Variants in PLEKHH2 observed in about 807,000 individuals in gnomAD.
The protein encoded by PLEKHH2 is pleckstrin homology, MyTH4 and FERM domain containing H2.
Under a neutral mutation model 187.9 loss-of-function variants are expected in PLEKHH2, and 129 were observed. The observed-to-expected ratio is 0.69, with a 90% confidence interval of 0.59 to 0.79. The LOEUF (loss-of-function observed/expected upper bound fraction) is 0.79. Among genes scored for constraint, PLEKHH2 ranks in the 30% least tolerant of loss-of-function variants. The probability of loss-of-function intolerance (pLI) is 0.00; values close to 1 mark genes in which losing one functional copy is unlikely to be tolerated. For synonymous variants in PLEKHH2, 686 were observed against 605.6 expected (o/e 1.13, Z -1.95); for missense variants, 2,076 against 1,751.2 (o/e 1.19, Z -3.31).
At chr2:43,641,843 A>G (rs1413080182) in intron 1 of PLEKHH2, among the ~76,000 whole-genome samples, 2 of 152,230 alleles carry the variant, frequency 1.3e-5, no homozygotes, top group Non-Finnish European at 2.9e-5. Flanking sequence ...TTATCTATAT[A>G]TCTATCTTTA....
rs578006979 is a variant in PLEKHH2, at chr2:43,674,210, A to G, written c.124-4653A>G. ...CATTTGAGGAGAAATCAGACAAGAT[A>G]TTTGCATAGTTCTCTTAAGAGAACT... On this transcript the variant is annotated intron_variant, in intron 2 of 29. Transcript: ENST00000282406. 5.1e-4 allele frequency among the ~76,000 whole-genome samples: 78 copies of G among 152,278 alleles called. 2 individuals are homozygous for G. In the South Asian group the frequency reaches 0.016, roughly 31 times the overall value.
chr2:43,679,203 T>C (rs1025357344), intron 3 of PLEKHH2, among the ~76,000 whole-genome samples: 21 of 152,216 alleles, frequency 1.4e-4, no homozygotes, highest in African/African-American at 4.8e-4. Flanking sequence ...ATTTAAGTTT[T>C]GTATATAAAT....
chr2:43,758,378 G>C (rs74738497), intron 26 of PLEKHH2, among the ~76,000 whole-genome samples: 48,088 of 151,846 alleles, frequency 0.32, 8,030 homozygotes, highest in South Asian at 0.43. Flanking sequence ...TCAGCCTCCC[G>C]AGTAGCTGGG....
chr2:43,720,566 G>C, intron 15 of PLEKHH2, 103 bp from the exon 16 acceptor site: 1 of 1,540,548 alleles, frequency 6.5e-7, no homozygotes, highest in South Asian at 1.2e-5. Context: ...CTTATATCTG[G>C]GCAAACTGGA....
rs373009001 is a variant in PLEKHH2, at chr2:43,675,580, A to T, written c.124-3283A>T. 1.7e-5 allele frequency: 28 copies of T among 1,613,706 alleles called. 1 individual carries two copies. In the African/African-American group the frequency reaches 3.3e-4, roughly 19 times the overall value. ...CAATGCCTCTTCAATAAGCTGTGCG[A>T]TTGGTTTTGTATTAAATACATCTCT... On this transcript the variant is annotated intron_variant, in intron 2 of 29. Coordinates refer to ENST00000282406, the MANE Select transcript of PLEKHH2 (RefSeq NM_172069.4).
chr2:43,705,205 T>C (rs1380028077), intron 9 of PLEKHH2, among the ~76,000 whole-genome samples: 2 of 151,920 alleles, frequency 1.3e-5, no homozygotes, highest in African/African-American at 4.8e-5. Context: ...TGATATTCAG[T>C]TCCTGTTCAG....
rs1331098622 is a variant in PLEKHH2, at chr2:43,707,562, G to T, written c.1966+17G>T. 6.2e-7 allele frequency: 1 copy of T among 1,613,256 alleles called. No individual in the cohort carries two copies. Among genetic ancestry groups the T allele is most frequent in the Non-Finnish European group, 8.5e-7 (1 of 1,179,480 alleles). On this transcript the variant is annotated intron_variant, in intron 11 of 29. Transcript: ENST00000282406. ...TGAAACGAGGTGAGGGAAAATCGCA[G>T]GCATATGAGGCAACTCCAGATCATT... is the stretch of plus-strand genomic sequence containing the variant.
intron 1 of PLEKHH2, among the ~76,000 whole-genome samples, chr2:43,642,611 C>G (rs935974938): frequency 6.6e-6 from 1 of 152,124 alleles, no homozygotes; most frequent in African/African-American, 2.4e-5. Flanking sequence ...TAAACGTCCT[C>G]TATCAGGATG....
chr2:43,705,359 G>A (rs961968296), intron 9 of PLEKHH2, among the ~76,000 whole-genome samples: 3 of 144,406 alleles, frequency 2.1e-5, no homozygotes, highest in Admixed American at 7.3e-5. Context: ...GGGCTCAAGC[G>A]ATCCTCCTGC....
At chr2:43,658,278 C>T (rs1666890560) in intron 2 of PLEKHH2, among the ~76,000 whole-genome samples, 1 of 152,162 alleles carries the variant, frequency 6.6e-6, no homozygotes, top group Non-Finnish European at 1.5e-5. Context: ...ATATTTTTCA[C>T]ACTTACGTGT....
chr2:43,726,958 T>C (rs999823982), intron 17 of PLEKHH2, among the ~76,000 whole-genome samples: 2 of 152,188 alleles, frequency 1.3e-5, no homozygotes, highest in Non-Finnish European at 2.9e-5. Flanking sequence ...AAACATTAGT[T>C]TTTCATCTCA....
chr2:43,652,129 C>T lies in PLEKHH2; in HGVS notation c.123+7333C>T, dbSNP rs17413896. On this transcript the variant is annotated intron_variant, in intron 2 of 29. Coordinates refer to ENST00000282406, the MANE Select transcript of PLEKHH2 (RefSeq NM_172069.4). ...AGATGCCATAGCTGTTGGACTAGTG[C>T]ACTCCAATTCACTTATTCAATTTTG... Among the ~76,000 whole-genome samples the T allele has an allele frequency of 7.4e-3, 1,130 of 152,262 alleles. 6 individuals are homozygous for T. Among genetic ancestry groups the T allele is most frequent in the Middle Eastern group, 0.014 (4 of 294 alleles).
Position 43,706,429 on chromosome 2 carries a change from T to A in PLEKHH2, c.1821+13T>A. The A allele has an allele frequency of 6.6e-7, 1 of 1,512,476 alleles. No homozygotes were observed. Among genetic ancestry groups the A allele is most frequent in the Non-Finnish European group, 9.1e-7 (1 of 1,096,360 alleles). 93.7% of individuals were successfully genotyped at this position (1,512,476 alleles called of 1,614,324 possible). A position where few individuals can be genotyped will look rare whatever the true frequency, so the allele number is the denominator to read the frequency against. Reference sequence around the variant, plus strand: ...AACTTTGAAGGGGGTAACTCATTATTGTTATTGTTAAAACATGTGCTTCTC... The same window carrying A: ...AACTTTGAAGGGGGTAACTCATTATAGTTATTGTTAAAACATGTGCTTCTC... On this transcript the variant is annotated intron_variant, in intron 10 of 29. Coordinates refer to ENST00000282406, the MANE Select transcript of PLEKHH2 (RefSeq NM_172069.4).
chr2:43,667,080 C>G (rs1400811870), intron 2 of PLEKHH2, among the ~76,000 whole-genome samples: 1 of 152,064 alleles, frequency 6.6e-6, no homozygotes, highest in Non-Finnish European at 1.5e-5. Context: ...TCTGAAAAAT[C>G]TTTGCCTAAC....
chr2:43,652,559 C>T (rs538082287), intron 2 of PLEKHH2, among the ~76,000 whole-genome samples: 1 of 152,192 alleles, frequency 6.6e-6, no homozygotes. Flanking sequence ...ATAGAAGTCT[C>T]TAGGGACTCC....
intron 25 of PLEKHH2, 108 bp from the exon 26 acceptor site, chr2:43,757,011 T>G: frequency 1.4e-6 from 1 of 710,860 alleles, no homozygotes; most frequent in Non-Finnish European, 2.1e-6. Flanking sequence ...GACAAATAGA[T>G]TTATGTATTA....
chr2:43,668,527 A>G (rs1574502827), intron 2 of PLEKHH2, among the ~76,000 whole-genome samples: 1 of 152,336 alleles, frequency 6.6e-6, no homozygotes, highest in South Asian at 2.1e-4. Context: ...TTACTATTAG[A>G]CATACAGGCT....
chr2:43,755,145 TTACA>T (rs1188154687), intron 25 of PLEKHH2, among the ~76,000 whole-genome samples: 1 of 152,146 alleles, frequency 6.6e-6, no homozygotes, highest in Admixed American at 6.5e-5. Flanking sequence ...AGTGCTAGGA[TTACA>T]GGCGTGAGCC....
intron 3 of PLEKHH2, chr2:43,681,725 A>T (rs1369531636): frequency 9.9e-6 from 5 of 505,908 alleles, no homozygotes; most frequent in Non-Finnish European, 1.7e-5. Flanking sequence ...GAGCTCCCTG[A>T]TGCCCCAGAC....
Sources: gnomAD v4.1 joint callset for allele counts (sites outside exome capture counted in the v4.1 genomes callset) on GRCh38, gnomAD v4.1.1 for gene constraint, MANE v1.5 for transcripts, NCBI Gene and HGNC (gene_info 2026-07-23, HGNC 2026-07-21) for gene names.